The following PRKCQ variants were observed in gnomAD, a reference collection of about 807,000 sequenced individuals.
PRKCQ encodes the protein protein kinase C theta type.
A neutral mutation model predicts 91.2 loss-of-function variants in PRKCQ; 41 were observed. The ratio of observed to expected loss-of-function variants is 0.45; its 90% CI spans 0.35 to 0.58. The LOEUF is 0.58. PRKCQ is among the 20% of genes least tolerant of loss of function. The probability of loss-of-function intolerance (pLI) is 0.00; values close to 1 mark genes in which losing one functional copy is unlikely to be tolerated. For synonymous variants in PRKCQ, 307 were observed against 316.9 expected (o/e 0.97, Z 0.33); for missense variants, 673 against 896.5 (o/e 0.75, Z 3.18).
At chr10:6,419,033 C>CCTAT in the PRKCQ span, among the ~76,000 whole-genome samples, 33,036 of 150,920 alleles carry the variant, frequency 0.22, 3,956 homozygotes, top group Non-Finnish European at 0.26. Context: ...CATCTATCTA[C>CCTAT]CTATCATCCA....
At chr10:6,524,263 T>C (rs1839121866) in intron 1 of PRKCQ, among the ~76,000 whole-genome samples, 1 of 152,218 alleles carries the variant, frequency 6.6e-6, no homozygotes, top group Non-Finnish European at 1.5e-5. Context: ...TTGACTTATG[T>C]TATCTCCATA....
downstream of PRKCQ, among the ~76,000 whole-genome samples, chr10:6,422,492 T>C (rs1385078383): frequency 6.6e-6 from 1 of 152,160 alleles, no homozygotes; most frequent in African/African-American, 2.4e-5. Flanking sequence ...TCAAACAGGC[T>C]TGGGATCTAG....
In PRKCQ at chr10:6,428,156, C is replaced by T. The variant is rs751637405; in HGVS notation, c.*51G>A. ...AGGAACCCAAGCAGTGTCTCTTGAA[C>T]CAGTTCCCAGGGAGAAGGCAAATTC... is the stretch of plus-strand genomic sequence containing the variant. On this transcript the variant is annotated 3_prime_UTR_variant, in exon 18 of 18. Coordinates refer to ENST00000263125, the MANE Select transcript of PRKCQ (RefSeq NM_006257.5). 1.9e-6 allele frequency: 3 copies of T among 1,609,740 alleles called. No individual in the cohort carries two copies. The East Asian group carries it at 6.7e-5, about 36-fold the overall frequency.
chr10:6,548,214 A>G (rs1037968797), intron 1 of PRKCQ, among the ~76,000 whole-genome samples: 1 of 150,786 alleles, frequency 6.6e-6, no homozygotes, highest in Non-Finnish European at 1.5e-5. Flanking sequence ...AATGGCAATC[A>G]TTAAAAGGTC....
At chr10:6,462,165 T>G in intron 14 of PRKCQ, 138 bp downstream of exon 14, 2 of 738,156 alleles carry the variant, frequency 2.7e-6, no homozygotes, top group South Asian at 3.4e-5. Flanking sequence ...ATGTAATCAT[T>G]GTGGGCAGCA....
At chr10:6,521,424 A>G (rs1399105043) in intron 1 of PRKCQ, among the ~76,000 whole-genome samples, 2 of 152,184 alleles carry the variant, frequency 1.3e-5, no homozygotes, top group Admixed American at 6.5e-5. Flanking sequence ...CATACACTGA[A>G]CTGCTGGAGT....
At chr10:6,410,182 C>T in the PRKCQ span, among the ~76,000 whole-genome samples, 1 of 152,182 alleles carries the variant, frequency 6.6e-6, no homozygotes, top group East Asian at 1.9e-4. Flanking sequence ...ATGCTGTTAC[C>T]CAGCTGTTCT....
Position 6,428,092 on chromosome 10 carries a change from T to C in PRKCQ, c.*115A>G, listed in dbSNP as rs895378292. 3 of 1,375,380 alleles carry C rather than the reference T, an allele frequency of 2.2e-6. No homozygotes were observed. The African/African-American group carries it at 4.3e-5, about 20-fold the overall frequency. 85.2% of individuals were successfully genotyped at this position (1,375,380 alleles called of 1,614,324 possible). ...ACATGGGGGCGAACGGGTCTCAGTC[T>C]TTATTGTTGAGTGTTTCTTTCTTTT... On this transcript the variant is annotated 3_prime_UTR_variant, in exon 18 of 18. Coordinates refer to ENST00000263125, the MANE Select transcript of PRKCQ (RefSeq NM_006257.5).
rs199546394 is a variant in PRKCQ at position 6,570,541 on chromosome 10, ACTAAGGGG to A, written c.-10+9662_-10+9669del. Among the ~76,000 whole-genome samples the A allele has an allele frequency of 9.2e-3, 1,388 of 150,298 alleles. 16 individuals are homozygous for A. Among genetic ancestry groups the A allele is most frequent in the South Asian group, 0.047 (223 of 4,720 alleles). ...CAGGGGAGGTGAGCCTCAGACAGGA[ACTAAGGGG>A]CTTCTTTTTTTTTTTTTTTTTCTAA... On this transcript the variant is annotated intron_variant, in intron 1 of 17. Coordinates refer to ENST00000263125, the MANE Select transcript of PRKCQ (RefSeq NM_006257.5).
At chr10:6,553,463 C>T (rs1368005992) in intron 1 of PRKCQ, among the ~76,000 whole-genome samples, 1 of 135,730 alleles carries the variant, frequency 7.4e-6, no homozygotes, top group Non-Finnish European at 1.5e-5. Context: ...GCACTCCAGC[C>T]TGGGTGACAG....
chr10:6,550,807 T>C (rs890387209), intron 1 of PRKCQ, among the ~76,000 whole-genome samples: 1 of 152,224 alleles, frequency 6.6e-6, no homozygotes, highest in Non-Finnish European at 1.5e-5. Context: ...ATAGCAGCTA[T>C]ACCATTTTAC....
chr10:6,521,526 TACAC>T (rs1385626917), intron 1 of PRKCQ, among the ~76,000 whole-genome samples: 1 of 152,218 alleles, frequency 6.6e-6, no homozygotes, highest in East Asian at 1.9e-4. Context: ...AATGGGCAAA[TACAC>T]ACAAGGTGCT....
chr10:6,521,236 C>A (rs1292679804), intron 1 of PRKCQ, among the ~76,000 whole-genome samples: 1 of 152,168 alleles, frequency 6.6e-6, no homozygotes, highest in African/African-American at 2.4e-5. Flanking sequence ...AGAGACTCTG[C>A]ATTTTTGCTT....
intron 8 of PRKCQ, 40 bp from the exon 9 acceptor site, chr10:6,486,184 AC>A (rs1836910672): frequency 2.0e-6 from 3 of 1,531,774 alleles, no homozygotes; most frequent in Non-Finnish European, 2.7e-6. Context: ...GAGTGGAAGA[AC>A]CCCCTGGTGC....
the PRKCQ span, among the ~76,000 whole-genome samples, chr10:6,415,288 C>T: frequency 6.6e-6 from 1 of 151,434 alleles, no homozygotes; most frequent in South Asian, 2.1e-4. Context: ...ATCCACACCA[C>T]CCAATAAGCT....
At chr10:6,553,952 C>T (rs1840310062) in intron 1 of PRKCQ, among the ~76,000 whole-genome samples, 1 of 123,408 alleles carries the variant, frequency 8.1e-6, no homozygotes, top group Non-Finnish European at 1.7e-5. Flanking sequence ...GTCTCTAGAA[C>T]AAAAAAGTGC....
chr10:6,498,858 A>G (rs970980918), intron 4 of PRKCQ, among the ~76,000 whole-genome samples: 5 of 152,160 alleles, frequency 3.3e-5, no homozygotes, highest in African/African-American at 1.2e-4. Flanking sequence ...AAGTTTCAAA[A>G]CCAGAGATTA....
rs1841244166 is a variant in PRKCQ, at chr10:6,576,544, G to A, written c.-10+3667C>T. 6.6e-6 allele frequency among the ~76,000 whole-genome samples: 1 copy of A among 152,192 alleles called. No individual in the cohort carries two copies. The highest frequency in any genetic ancestry group is 2.4e-5 in the African/African-American group (1 of 41,446). On this transcript the variant is annotated intron_variant, in intron 1 of 17. Transcript: ENST00000263125. This position sits in a 1 kb window ranked among gnomAD's most constrained non-coding sequence, Gnocchi z 4.2. ...AAGGGTGGCTGCCAGGGGCTGAGAG[G>A]AAAGACGGATGAGGAACGAATGTTC...
chr10:6,495,585 A>G (rs1439038413), intron 7 of PRKCQ, among the ~76,000 whole-genome samples: 1 of 152,220 alleles, frequency 6.6e-6, no homozygotes, highest in Non-Finnish European at 1.5e-5. Flanking sequence ...CACTTAATAT[A>G]AATCGAAGCC....
Sources: allele counts gnomAD v4.1 joint callset (sites outside exome capture counted in the v4.1 genomes callset), GRCh38; gene constraint gnomAD v4.1.1; non-coding constraint Gnocchi (gnomAD v3.1); transcripts MANE v1.5; gene names NCBI Gene and HGNC (gene_info 2026-07-23, HGNC 2026-07-21).